Variants in PTPRT observed in about 807,000 individuals in gnomAD.
PTPRT encodes receptor-type tyrosine-protein phosphatase T.
PTPRT carries 56 observed loss-of-function variants against 176.8 expected under a neutral mutation model. That is an observed-to-expected ratio of 0.32 (90% CI 0.26 to 0.40). The LOEUF (loss-of-function observed/expected upper bound fraction) is 0.40. Among genes scored for constraint, PTPRT ranks in the 10% least tolerant of loss-of-function variants. The probability of loss-of-function intolerance (pLI) is 1.00; values close to 1 mark genes in which losing one functional copy is unlikely to be tolerated. For missense variants in PTPRT, 1,540 were observed against 1,908.2 expected, an observed-to-expected ratio of 0.81 and a Z score of 3.60; for synonymous variants, 783 against 739.0, an observed-to-expected ratio of 1.06 and a Z score of -0.96.
chr20:42,119,764 T>C (rs1272080938), intron 20 of PTPRT, among the ~76,000 whole-genome samples, 171 bp downstream of exon 20: 1 of 152,214 alleles, frequency 6.6e-6, no homozygotes, highest in Non-Finnish European at 1.5e-5. Flanking sequence ...TACCCCTCCG[T>C]GGCTTCTTTG....
At chr20:42,468,698 C>T (rs1156320522) in intron 8 of PTPRT, among the ~76,000 whole-genome samples, 1 of 152,116 alleles carries the variant, frequency 6.6e-6, no homozygotes, top group Admixed American at 6.5e-5. Flanking sequence ...TTTGCTGAGG[C>T]ACAGGGAGGT....
chr20:42,584,628 C>T lies in PTPRT; in HGVS notation c.1153+93238G>A, dbSNP rs1227708811. Among the ~76,000 whole-genome samples the T allele has an allele frequency of 3.3e-5, 5 of 152,158 alleles. No individual in the cohort carries two copies. The East Asian group carries it at 7.7e-4, about 23-fold the overall frequency. On this transcript the variant is annotated intron_variant, in intron 7 of 30. Transcript: ENST00000373187. ...TTTATTTTTCTTCATACCACTTTCA[C>T]AATATTAATATTTATATGTTTATTG... is the stretch of plus-strand genomic sequence containing the variant.
chr20:42,306,157 G>T (rs2057542445), intron 12 of PTPRT, among the ~76,000 whole-genome samples: 1 of 152,210 alleles, frequency 6.6e-6, no homozygotes, highest in African/African-American at 2.4e-5. Flanking sequence ...AATAAAATCT[G>T]TAGAAACTGT....
intron 16 of PTPRT, among the ~76,000 whole-genome samples, chr20:42,166,021 A>G (rs922975656): frequency 6.6e-6 from 1 of 152,236 alleles, no homozygotes; most frequent in Non-Finnish European, 1.5e-5. Context: ...ATATTTTTAC[A>G]TTCTTTATTC....
At chr20:42,243,692 G>A (rs2056398978) in intron 14 of PTPRT, among the ~76,000 whole-genome samples, 1 of 152,186 alleles carries the variant, frequency 6.6e-6, no homozygotes, top group Non-Finnish European at 1.5e-5. Flanking sequence ...CTTATTTCCT[G>A]TCAGTCTCCA....
At chr20:43,033,146 T>C (rs1380785652) in intron 1 of PTPRT, among the ~76,000 whole-genome samples, 1 of 152,234 alleles carries the variant, frequency 6.6e-6, no homozygotes. Flanking sequence ...TTTGCCTTTT[T>C]GTGGCCACTG....
chr20:42,272,545 G>T (rs552425104), intron 13 of PTPRT, among the ~76,000 whole-genome samples: 7 of 152,076 alleles, frequency 4.6e-5, no homozygotes, highest in Non-Finnish European at 7.4e-5. Context: ...CCTCTTAACT[G>T]CTCTCCCATT....
chr20:42,319,898 T>C (rs914573883), intron 11 of PTPRT, among the ~76,000 whole-genome samples: 9 of 152,180 alleles, frequency 5.9e-5, no homozygotes, highest in African/African-American at 2.2e-4. Flanking sequence ...CAATAATCTA[T>C]TCAGAATCAT....
At chr20:43,000,423 T>C (rs1019882668) in intron 1 of PTPRT, among the ~76,000 whole-genome samples, 16 of 152,008 alleles carry the variant, frequency 1.1e-4, no homozygotes, top group Non-Finnish European at 2.4e-4. Flanking sequence ...GTAAATAGAT[T>C]TTTAAGTGAA....
chr20:42,887,222 G>T (rs767572337), intron 1 of PTPRT, among the ~76,000 whole-genome samples: 18 of 152,180 alleles, frequency 1.2e-4, no homozygotes, highest in Non-Finnish European at 2.6e-4. Flanking sequence ...CATGGCCTTT[G>T]GGAGGTGATT....
At chr20:42,400,263 A>G (rs917139671) in intron 9 of PTPRT, among the ~76,000 whole-genome samples, 2 of 152,186 alleles carry the variant, frequency 1.3e-5, no homozygotes, top group Admixed American at 1.3e-4. Flanking sequence ...TGGGACTTCC[A>G]TATGACTTTT....
chr20:42,887,201 G>A (rs2079117244), intron 1 of PTPRT, among the ~76,000 whole-genome samples: 2 of 152,288 alleles, frequency 1.3e-5, no homozygotes, highest in African/African-American at 4.8e-5. Flanking sequence ...CAAAGTGATA[G>A]TATTAGGACA....
At chr20:42,934,659 T>A (rs1980060424) in intron 1 of PTPRT, among the ~76,000 whole-genome samples, 1 of 152,174 alleles carries the variant, frequency 6.6e-6, no homozygotes, top group South Asian at 2.1e-4. Context: ...GAGGCATCCT[T>A]CAGTCCCTTG....
the PTPRT span, among the ~76,000 whole-genome samples, chr20:42,046,047 T>G: frequency 0.015 from 2,210 of 152,322 alleles, 21 homozygotes; most frequent in Middle Eastern, 0.031. Flanking sequence ...CTTGACCTCA[T>G]GGAGGTGAGG....
the PTPRT span, among the ~76,000 whole-genome samples, chr20:42,041,130 CCTT>C: frequency 1.3e-5 from 2 of 152,288 alleles, no homozygotes; most frequent in East Asian, 3.9e-4. Flanking sequence ...GAGCAGCTTT[CCTT>C]CTTTAACCAA....
intron 2 of PTPRT, among the ~76,000 whole-genome samples, chr20:42,810,189 G>A (rs2077679012): frequency 6.6e-6 from 1 of 152,110 alleles, no homozygotes; most frequent in Admixed American, 6.5e-5. Context: ...AGCTACTCTG[G>A]AGGCTGAGGC....
chr20:42,338,208 G>A (rs2058066691), intron 11 of PTPRT, among the ~76,000 whole-genome samples: 1 of 152,160 alleles, frequency 6.6e-6, no homozygotes, highest in South Asian at 2.1e-4. Context: ...GCATTAACAT[G>A]TTTCTGTAAT....
intron 7 of PTPRT, among the ~76,000 whole-genome samples, chr20:42,510,228 C>T (rs1052190147): frequency 2.0e-5 from 3 of 152,022 alleles, no homozygotes; most frequent in African/African-American, 7.2e-5. Context: ...ATACCTAACC[C>T]CCCTTGAAAA....
Position 42,654,509 on chromosome 20 carries a change from C to T in PTPRT, c.1153+23357G>A, listed in dbSNP as rs935687399. Among the ~76,000 whole-genome samples the T allele has an allele frequency of 7.2e-5, 11 of 152,276 alleles. No individual in the cohort carries two copies. The East Asian group carries it at 1.9e-3, about 27-fold the overall frequency. On this transcript the variant is annotated intron_variant, in intron 7 of 30. Transcript: ENST00000373187. ...GAACCCACTCATTGAGGGCACGAAA[C>T]TATTCAAGCGGATGGTTACTACAGA...
Sources: allele counts gnomAD v4.1 joint callset (sites outside exome capture counted in the v4.1 genomes callset), GRCh38; gene constraint gnomAD v4.1.1; transcripts MANE v1.5; gene names NCBI Gene and HGNC (gene_info 2026-07-23, HGNC 2026-07-21).